WDR49: variants seen among roughly 807,000 people sequenced by gnomAD.
WDR49 encodes the protein WD repeat domain 49.
A neutral mutation model predicts 119.5 loss-of-function variants in WDR49; 107 were observed. The ratio of observed to expected loss-of-function variants is 0.90; its 90% CI spans 0.77 to 1.05. WDR49 has a LOEUF of 1.05. Ranked by LOEUF, WDR49 falls within the 50% of genes least tolerant of loss-of-function variation. The pLI is 0.00. For synonymous variants in WDR49, 425 were observed against 418.8 expected, an observed-to-expected ratio of 1.01 and a Z score of -0.18; for missense variants, 1,240 against 1,220.5, an observed-to-expected ratio of 1.02 and a Z score of -0.24.
In WDR49 at chr3:167,494,319, CA is replaced by C. The variant is rs1208524403; in HGVS notation, c.3031+5833del. 3.9e-5 allele frequency among the ~76,000 whole-genome samples: 6 copies of C among 152,288 alleles called. No homozygotes were observed. In the East Asian group the frequency reaches 9.7e-4, roughly 24 times the overall value. On this transcript the variant is annotated intron_variant, in intron 18 of 18. Transcript: ENST00000682715. ...AATATTGCTGCCTTCAGTCTAGCCC[CA>C]TTATAAGGCATCTACCGCAGTTTTC...
chr3:167,533,010 C>G (rs1234103932), intron 11 of WDR49, 33 bp from the exon 12 acceptor site: 1 of 1,476,578 alleles, frequency 6.8e-7, no homozygotes, highest in Admixed American at 2.0e-5. Context: ...TATAAATTGC[C>G]AGGAGATTAA....
chr3:167,535,502 C>T (rs973364188), intron 11 of WDR49, among the ~76,000 whole-genome samples: 2 of 152,148 alleles, frequency 1.3e-5, no homozygotes, highest in Non-Finnish European at 2.9e-5. Context: ...TTCAACATCA[C>T]TGATTATCAG....
Position 167,636,673 on chromosome 3 carries a change from G to T in WDR49, c.166-9381C>A, listed in dbSNP as rs550241939. ...AACATGTATTAGTTTTTGATTTTTT[G>T]ATTATGGTCATTCTGCAGGAGTAAG... is the stretch of plus-strand genomic sequence containing the variant. On this transcript the variant is annotated intron_variant, in intron 2 of 18. Transcript: ENST00000682715. 2.2e-4 allele frequency among the ~76,000 whole-genome samples: 33 copies of T among 151,472 alleles called. No individual in the cohort carries two copies. In the East Asian group the frequency reaches 6.2e-3, roughly 28 times the overall value.
intron 11 of WDR49, among the ~76,000 whole-genome samples, chr3:167,534,159 C>T (rs1010178442): frequency 6.6e-6 from 1 of 152,002 alleles, no homozygotes; most frequent in Non-Finnish European, 1.5e-5. Flanking sequence ...TACACCATTG[C>T]ACTCCAGCCT....
intron 8 of WDR49, among the ~76,000 whole-genome samples, chr3:167,566,074 C>T (rs565078505): frequency 9.2e-5 from 14 of 152,266 alleles, no homozygotes; most frequent in Middle Eastern, 3.4e-3. Flanking sequence ...TTCTCTTATT[C>T]TAAAAATCTA....
At chr3:167,505,542 G>A (rs184290539) in intron 16 of WDR49, 126 bp from the exon 17 acceptor site, 26 of 1,260,080 alleles carry the variant, frequency 2.1e-5, no homozygotes, top group Middle Eastern at 2.7e-4. Flanking sequence ...CCTGTGAACC[G>A]AAGTAGTGAT....
rs1051738527 is a variant in WDR49, at chr3:167,653,220, T to C, written c.165+41A>G. The C allele has an allele frequency of 2.0e-6, 3 of 1,534,170 alleles. No homozygotes were observed. The Admixed American group carries it at 5.9e-5, about 30-fold the overall frequency. On this transcript the variant is annotated intron_variant, in intron 2 of 18. Transcript: ENST00000682715. Reference sequence around the variant, plus strand: ...CTGTGTTTCATTCTAGGCTCCTTCATGAACAACTCAAACTATCTGGTCAAT... The same window carrying C: ...CTGTGTTTCATTCTAGGCTCCTTCACGAACAACTCAAACTATCTGGTCAAT...
At chr3:167,538,695 T>A (rs1711614030) in intron 10 of WDR49, among the ~76,000 whole-genome samples, 1 of 152,082 alleles carries the variant, frequency 6.6e-6, no homozygotes, top group African/African-American at 2.4e-5. Flanking sequence ...TGACTAAAAT[T>A]CAAGGTAAAA....
At chr3:167,530,204 T>G (rs1752796656) in intron 13 of WDR49, among the ~76,000 whole-genome samples, 1 of 152,094 alleles carries the variant, frequency 6.6e-6, no homozygotes, top group African/African-American at 2.4e-5. Context: ...AAATTTTATA[T>G]GAAAATTATA....
intron 9 of WDR49, among the ~76,000 whole-genome samples, chr3:167,557,998 C>A (rs1713044997): frequency 1.3e-5 from 2 of 151,966 alleles, no homozygotes; most frequent in Non-Finnish European, 2.9e-5. Flanking sequence ...TGTTTGTAAT[C>A]CCAGCTACTC....
chr3:167,554,669 A>G lies in WDR49; in HGVS notation c.1804T>C (p.Ser602Pro). The change falls in exon 10 of 19, where the codon TCA (serine) becomes CCA (proline). Residue 602 changes from serine to proline, a missense_variant. Coordinates refer to ENST00000682715, the MANE Select transcript of WDR49 (RefSeq NM_001366157.1). ...TTTTACCTTCCTATAGTTTTCCATG[A>G]GGCATAATCATACCTCTCCCAGCCT... ...VTGWERYDYA[S>P]WKTIGRAITV... 6.5e-7 allele frequency: 1 copy of G among 1,549,808 alleles called. No individual in the cohort carries two copies. Among genetic ancestry groups the G allele is most frequent in the Non-Finnish European group, 8.8e-7 (1 of 1,134,940 alleles).
chr3:167,600,266 T>A (rs1486805202), intron 7 of WDR49, among the ~76,000 whole-genome samples: 1 of 152,084 alleles, frequency 6.6e-6, no homozygotes, highest in Non-Finnish European at 1.5e-5. Context: ...CAGTAAGTCA[T>A]GTCCCCCCAC....
In WDR49 at chr3:167,565,909, C is replaced by T. The variant is rs182373016; in HGVS notation, c.1510-5681G>A. Among the ~76,000 whole-genome samples, 155 of 152,092 alleles carry T rather than the reference C, an allele frequency of 1.0e-3. 1 individual carries two copies. The highest frequency in any genetic ancestry group is 3.6e-3 in the African/African-American group (150 of 41,502). ...TTTACCCTTGCTTTATTTCATGTAT[C>T]TTTATATATAAGATCATTTGTTCTT... On this transcript the variant is annotated intron_variant, in intron 8 of 18. Coordinates refer to ENST00000682715, the MANE Select transcript of WDR49 (RefSeq NM_001366157.1).
In WDR49 at chr3:167,653,393, G is replaced by A; in HGVS notation, c.33C>T (p.Asn11=). ...TCTTTGGCCCAAGCTGTGACCCTAT[G>A]TTTAACTCAAGTACAGCTTTCTGGC... is the stretch of plus-strand genomic sequence containing the variant. MSCQKAVLEL[N]IGSQLGPKSP... Residue 11 remains asparagine, a synonymous_variant, in exon 2 of 19, where the codon AAC becomes AAT. Coordinates refer to ENST00000682715, the MANE Select transcript of WDR49 (RefSeq NM_001366157.1). 1 of 1,532,938 alleles carries A rather than the reference G, an allele frequency of 6.5e-7. No homozygotes were observed. Among genetic ancestry groups the A allele is most frequent in the Non-Finnish European group, 8.7e-7 (1 of 1,145,678 alleles). 95.0% of individuals were successfully genotyped at this position (1,532,938 alleles called of 1,614,324 possible). A position where few individuals can be genotyped will look rare whatever the true frequency, so the allele number is the denominator to read the frequency against.
chr3:167,544,163 T>C (rs1259460090), intron 10 of WDR49, among the ~76,000 whole-genome samples: 1 of 151,264 alleles, frequency 6.6e-6, no homozygotes, highest in Non-Finnish European at 1.5e-5. Context: ...AAAGAAATCA[T>C]ACCTGACACA....
intron 6 of WDR49, among the ~76,000 whole-genome samples, chr3:167,602,823 T>C (rs1455924570): frequency 2.0e-5 from 3 of 152,194 alleles, no homozygotes; most frequent in Non-Finnish European, 4.4e-5. Flanking sequence ...TATAATATGG[T>C]ATTTTTACTG....
chr3:167,550,284 C>T (rs1346513532), intron 10 of WDR49, among the ~76,000 whole-genome samples: 2 of 152,108 alleles, frequency 1.3e-5, no homozygotes, highest in Non-Finnish European at 2.9e-5. Flanking sequence ...TTACCTTGGG[C>T]AGTATGGCCA....
intron 10 of WDR49, among the ~76,000 whole-genome samples, chr3:167,542,856 T>C (rs1372341710): frequency 1.3e-5 from 2 of 152,000 alleles, no homozygotes; most frequent in African/African-American, 4.8e-5. Context: ...AACATAAAGC[T>C]GGTTCTTTGA....
intron 18 of WDR49, among the ~76,000 whole-genome samples, chr3:167,488,882 T>C (rs913752010): frequency 6.6e-6 from 1 of 152,136 alleles, no homozygotes; most frequent in Non-Finnish European, 1.5e-5. Flanking sequence ...TTTCTGTCCC[T>C]GGAACATGTC....
Sources: gnomAD v4.1 joint callset for allele counts (sites outside exome capture counted in the v4.1 genomes callset) on GRCh38, gnomAD v4.1.1 for gene constraint, MANE v1.5 for transcripts, NCBI Gene and HGNC (gene_info 2026-07-23, HGNC 2026-07-21) for gene names.